The following DNAL1 variants were observed in gnomAD, a reference collection of about 807,000 sequenced individuals.
The protein encoded by DNAL1 is chromosome 14 open reading frame 168.
A neutral mutation model predicts 29.4 loss-of-function variants in DNAL1; 17 were observed. That is an observed-to-expected ratio of 0.58 (90% CI 0.40 to 0.87). DNAL1 has a LOEUF of 0.87. DNAL1 is among the 40% of genes least tolerant of loss of function. The pLI is 0.00. For missense variants in DNAL1, 188 were observed against 214.1 expected, an observed-to-expected ratio of 0.88 and a Z score of 0.76; for synonymous variants, 78 against 76.3, an observed-to-expected ratio of 1.02 and a Z score of -0.12.
intron 4 of DNAL1, among the ~76,000 whole-genome samples, chr14:73,670,068 T>C (rs1304621301): frequency 6.6e-6 from 1 of 152,216 alleles, no homozygotes; most frequent in Non-Finnish European, 1.5e-5. Flanking sequence ...TTTAGGTAAT[T>C]ATCTCATTTC....
intron 2 of DNAL1, 97 bp downstream of exon 2, chr14:73,654,982 G>A (rs1277941918): frequency 1.6e-6 from 2 of 1,223,284 alleles, no homozygotes; most frequent in African/African-American, 3.1e-5. Context: ...GATCCTTTTG[G>A]TATTGGAACT....
rs77371851 is a variant in DNAL1, at chr14:73,666,050, A to T, written c.208+4008A>T. On this transcript the variant is annotated intron_variant, in intron 4 of 7. Coordinates refer to ENST00000553645, the MANE Select transcript of DNAL1 (RefSeq NM_031427.4). ...TTTAGTTCTGCTAGTTACAAATACAATTTATGTAGTCTGTGGCTAGCGAAT... is the reference window on the plus strand; with the variant it reads ...TTTAGTTCTGCTAGTTACAAATACATTTTATGTAGTCTGTGGCTAGCGAAT... Among the ~76,000 whole-genome samples the T allele has an allele frequency of 8.0e-3, 1,226 of 152,310 alleles. 23 individuals are homozygous for T. The highest frequency in any genetic ancestry group is 0.028 in the African/African-American group (1,162 of 41,576).
Position 73,699,861 on chromosome 14 carries a change from A to G in DNAL1, c.*3919A>G, listed in dbSNP as rs1337749181. 6.6e-6 allele frequency: 1 copy of G among 152,242 alleles called. No homozygotes were observed. The highest frequency in any genetic ancestry group is 2.4e-5 in the African/African-American group (1 of 41,460). The allele number at this position is 152,242 out of a possible 1,614,324, so 9.4% of individuals were successfully genotyped here. A position where few individuals can be genotyped will look rare whatever the true frequency, so the allele number is the denominator to read the frequency against. On this transcript the variant is annotated 3_prime_UTR_variant, in exon 8 of 8. Transcript: ENST00000553645. Reference sequence around the variant, plus strand: ...ATTCTTTAAGCGTCATTCATTGTCTAATCACATAATTTTGCAGACCATGGC... The same window carrying G: ...ATTCTTTAAGCGTCATTCATTGTCTGATCACATAATTTTGCAGACCATGGC...
intron 1 of DNAL1, among the ~76,000 whole-genome samples, chr14:73,649,513 A>G (rs769409326): frequency 4.0e-5 from 6 of 150,046 alleles, no homozygotes; most frequent in African/African-American, 1.5e-4. Flanking sequence ...CGATCTCCTG[A>G]CCTCGTGATC....
rs185129388 is a variant in DNAL1, at chr14:73,663,836, A to G, written c.208+1794A>G. ...TTGCTGTTTTTACAGCTGAATTCAA[A>G]AACTTTTATAAGAAACTCCTCTCAC... On this transcript the variant is annotated intron_variant, in intron 4 of 7. Transcript: ENST00000553645. Among the ~76,000 whole-genome samples, 10 of 152,328 alleles carry G rather than the reference A, an allele frequency of 6.6e-5. No individual in the cohort carries two copies. The East Asian group carries it at 1.9e-3, about 29-fold the overall frequency.
chr14:73,645,502 T>A (rs1890958332), intron 1 of DNAL1, among the ~76,000 whole-genome samples: 1 of 152,150 alleles, frequency 6.6e-6, no homozygotes, highest in Non-Finnish European at 1.5e-5. Context: ...GCCTTCTGAA[T>A]GACTACGAGG....
At chr14:73,684,008 A>G (rs1311899052) in intron 5 of DNAL1, among the ~76,000 whole-genome samples, 3 of 152,118 alleles carry the variant, frequency 2.0e-5, no homozygotes. Context: ...CACCTGGCCG[A>G]GATCAACTTT....
At chr14:73,688,602 G>A (rs949107921) in intron 6 of DNAL1, among the ~76,000 whole-genome samples, 4 of 152,132 alleles carry the variant, frequency 2.6e-5, no homozygotes, top group African/African-American at 9.7e-5. Context: ...CAGCCTGGGT[G>A]ACAGAAGGAG....
At chr14:73,693,173 G>A (rs948558507) in intron 7 of DNAL1, among the ~76,000 whole-genome samples, 1 of 152,106 alleles carries the variant, frequency 6.6e-6, no homozygotes, top group South Asian at 2.1e-4. Context: ...TAAAAAAGAC[G>A]GACAATACCA....
chr14:73,651,979 G>T (rs192152759), intron 1 of DNAL1, among the ~76,000 whole-genome samples: 58 of 152,200 alleles, frequency 3.8e-4, no homozygotes, highest in Non-Finnish European at 8.8e-5. Context: ...TAAAATCTCT[G>T]TGTCTATAGT....
At position 73,677,466 on chromosome 14, in the gene DNAL1, G is replaced by A. The variant is rs191299291; in HGVS notation, c.264+5869G>A. Among the ~76,000 whole-genome samples, 539 of 151,502 alleles carry A rather than the reference G, an allele frequency of 3.6e-3. 8 individuals are homozygous for A. Among genetic ancestry groups the A allele is most frequent in the Non-Finnish European group, 1.6e-3 (106 of 67,882 alleles). On this transcript the variant is annotated intron_variant, in intron 5 of 7. Transcript: ENST00000553645. The stretch of plus-strand genomic sequence containing the variant: ...GACTACAGGCCACTGTTCGCGGCAA[G>A]TACCGTGTTGTTTTAATTTCCATTA...
At chr14:73,691,205 T>A (rs973350217) in intron 7 of DNAL1, among the ~76,000 whole-genome samples, 1 of 151,484 alleles carries the variant, frequency 6.6e-6, no homozygotes, top group Non-Finnish European at 1.5e-5. Flanking sequence ...AATGAACACA[T>A]AGAGATAATC....
intron 7 of DNAL1, among the ~76,000 whole-genome samples, chr14:73,694,409 G>A (rs1457192261): frequency 6.6e-6 from 1 of 152,146 alleles, no homozygotes; most frequent in Admixed American, 6.5e-5. Context: ...CAGGTTAGCT[G>A]GAGTGCAGGG....
At chr14:73,689,275 G>T (rs1033728177) in intron 6 of DNAL1, 100 bp from the exon 7 acceptor site, 11 of 1,383,434 alleles carry the variant, frequency 8.0e-6, no homozygotes, top group Non-Finnish European at 1.1e-5. Flanking sequence ...GTCGTGATCC[G>T]CCCGCCTTGT....
Position 73,645,037 on chromosome 14 carries a change from G to C in DNAL1, c.-3G>C, listed in dbSNP as rs752308763. 101 of 1,609,218 alleles carry C rather than the reference G, an allele frequency of 6.3e-5. No homozygotes were observed. Among genetic ancestry groups the C allele is most frequent in the Non-Finnish European group, 8.3e-5 (98 of 1,178,240 alleles). On this transcript the variant is annotated 5_prime_UTR_variant, in exon 1 of 8. Transcript: ENST00000553645. ...CAGAGCAGTGACAGTAGCAACCGCC[G>C]GAATGGTGAGTACCTTTCGGGCCGC...
chr14:73,686,064 C>T (rs1892013587), intron 5 of DNAL1, among the ~76,000 whole-genome samples: 1 of 152,170 alleles, frequency 6.6e-6, no homozygotes, highest in African/African-American at 2.4e-5. Flanking sequence ...TCCCTGCCAA[C>T]CGTGTACAAG....
At chr14:73,650,778 G>A (rs934201967) in intron 1 of DNAL1, among the ~76,000 whole-genome samples, 2 of 151,934 alleles carry the variant, frequency 1.3e-5, no homozygotes, top group African/African-American at 4.8e-5. Context: ...GCCTGGCCAG[G>A]CAATTGCCCT....
At chr14:73,664,441 C>A (rs999250253) in intron 4 of DNAL1, among the ~76,000 whole-genome samples, 2 of 151,834 alleles carry the variant, frequency 1.3e-5, no homozygotes, top group African/African-American at 2.4e-5. Context: ...CATTAAAAGT[C>A]ATCTAAAAGC....
intron 2 of DNAL1, among the ~76,000 whole-genome samples, chr14:73,655,514 T>A (rs1374286578): frequency 6.6e-6 from 1 of 151,852 alleles, no homozygotes; most frequent in East Asian, 1.9e-4. Flanking sequence ...CGGCTAATTT[T>A]TTTTGTATTT....
Sources: gnomAD v4.1 joint callset for allele counts (sites outside exome capture counted in the v4.1 genomes callset) on GRCh38, gnomAD v4.1.1 for gene constraint, MANE v1.5 for transcripts, NCBI Gene and HGNC (gene_info 2026-07-23, HGNC 2026-07-21) for gene names.